PCNX1: variants seen among roughly 807,000 people sequenced by gnomAD.
The protein encoded by PCNX1 is pecanex-like protein 1.
A neutral mutation model predicts 242.2 loss-of-function variants in PCNX1; 78 were observed. That is an observed-to-expected ratio of 0.32 (90% confidence interval 0.27 to 0.39). The LOEUF is 0.39. PCNX1 is among the 10% of genes least tolerant of loss of function. PCNX1 has a pLI of 1.00. For synonymous variants in PCNX1, 1,024 were observed against 1,032.9 expected (o/e 0.99, Z 0.17); for missense variants, 2,581 against 2,856.5 (o/e 0.90, Z 2.20).
Position 70,942,139 on chromosome 14 carries a change from G to A in PCNX1, c.154-4776G>A, listed in dbSNP as rs541555054. Among the ~76,000 whole-genome samples, 8 of 152,174 alleles carry A rather than the reference G, an allele frequency of 5.3e-5. No individual in the cohort carries two copies. In the East Asian group the frequency reaches 7.7e-4, roughly 15 times the overall value. On this transcript the variant is annotated intron_variant, in intron 1 of 35. Transcript: ENST00000304743. The stretch of plus-strand genomic sequence containing the variant: ...ACTCTGTGGGCTGTACCCACCGTCC[G>A]ACAGGCCCCAGTGAGGTGAACCCTG...
At chr14:71,032,615 G>A (rs180746749) in intron 16 of PCNX1, among the ~76,000 whole-genome samples, 1 of 152,200 alleles carries the variant, frequency 6.6e-6, no homozygotes, top group Admixed American at 6.5e-5. Flanking sequence ...TGGAAAAAAG[G>A]CAAGTTGTAT....
intron 28 of PCNX1, among the ~76,000 whole-genome samples, chr14:71,078,384 T>G (rs2141494774): frequency 6.6e-6 from 1 of 152,320 alleles, no homozygotes; most frequent in Middle Eastern, 3.4e-3. Context: ...CTCAGACCCT[T>G]CTTCCATAGT....
In PCNX1 at chr14:71,068,382, G is replaced by A. The variant is rs117531197; in HGVS notation, c.4853-5163G>A. On this transcript the variant is annotated intron_variant, in intron 26 of 35. Transcript: ENST00000304743. ...TGTATACATACATGTATACATATATGTGTGTATATTTATGTATACGTATAT... is the reference window on the plus strand; with the variant it reads ...TGTATACATACATGTATACATATATATGTGTATATTTATGTATACGTATAT... Among the ~76,000 whole-genome samples the A allele has an allele frequency of 1.4e-3, 207 of 150,050 alleles. 1 individual carries two copies. The highest frequency in any genetic ancestry group is 6.7e-3 in the South Asian group (32 of 4,766).
In PCNX1 at chr14:70,978,397, G is replaced by C. The variant is rs144058686; in HGVS notation, c.2060G>C (p.Arg687Pro). 1 of 1,614,170 alleles carries C rather than the reference G, an allele frequency of 6.2e-7. No homozygotes were observed. The highest frequency in any genetic ancestry group is 1.1e-5 in the South Asian group (1 of 91,082). ...TCTAGCACAAATAGTGCCAAGACTCGTGCCCGAGTGTTGAGCCTGGACAGT... is the reference window on the plus strand; with the variant it reads ...TCTAGCACAAATAGTGCCAAGACTCCTGCCCGAGTGTTGAGCCTGGACAGT... ...RTSSTNSAKT[R>P]ARVLSLDSGT... is the part of the protein sequence containing the mutation. Residue 687 changes from arginine (R) to proline (P), a missense_variant, in exon 6 of 36, where the codon CGT (arginine) becomes CCT (proline). Arg to Pro is a moderately radical substitution (Grantham distance 103, BLOSUM62 -2). Transcript: ENST00000304743.
intron 32 of PCNX1, among the ~76,000 whole-genome samples, chr14:71,104,135 T>C (rs1262123997): frequency 6.6e-6 from 1 of 152,206 alleles, no homozygotes; most frequent in Non-Finnish European, 1.5e-5. Context: ...AACAATACAT[T>C]CTCACTCAGA....
chr14:70,997,859 G>A (rs923423386), intron 8 of PCNX1, among the ~76,000 whole-genome samples: 1 of 152,150 alleles, frequency 6.6e-6, no homozygotes, highest in Non-Finnish European at 1.5e-5. Flanking sequence ...TTAATTAGCA[G>A]TGAATTATGT....
intron 34 of PCNX1, 86 bp downstream of exon 34, chr14:71,109,132 A>T (rs2141906057): frequency 1.8e-6 from 2 of 1,091,846 alleles, no homozygotes; most frequent in African/African-American, 1.6e-5. Context: ...ACTGTTGTGA[A>T]TACACACCTT....
chr14:71,034,513 A>G (rs987131024), intron 18 of PCNX1, among the ~76,000 whole-genome samples: 2 of 152,226 alleles, frequency 1.3e-5, no homozygotes, highest in African/African-American at 4.8e-5. Flanking sequence ...AATAACCTGT[A>G]TTAATGTACT....
intron 6 of PCNX1, among the ~76,000 whole-genome samples, chr14:70,979,148 C>G (rs549929862): frequency 2.0e-5 from 3 of 152,040 alleles, no homozygotes; most frequent in East Asian, 3.9e-4. Flanking sequence ...TTTTTTAAGT[C>G]TGTATCTTTG....
intron 16 of PCNX1, among the ~76,000 whole-genome samples, chr14:71,030,852 G>A (rs995153915): frequency 6.6e-6 from 1 of 152,048 alleles, no homozygotes; most frequent in Non-Finnish European, 1.5e-5. Flanking sequence ...CATCATAAAT[G>A]AGGTCCTGAG....
At chr14:71,001,534 T>G (rs2059506186) in intron 8 of PCNX1, among the ~76,000 whole-genome samples, 3 of 152,214 alleles carry the variant, frequency 2.0e-5, no homozygotes, top group Non-Finnish European at 4.4e-5. Context: ...CAAATAGTTT[T>G]GGGTGCCTGA....
chr14:71,068,504 A>G (rs907647927), intron 26 of PCNX1, among the ~76,000 whole-genome samples: 4 of 149,278 alleles, frequency 2.7e-5, no homozygotes, highest in African/African-American at 7.3e-5. Context: ...ATATATATGT[A>G]TATATATGTA....
At chr14:70,969,174 A>G (rs141930767) in intron 5 of PCNX1, 64 bp downstream of exon 5, 204 of 903,912 alleles carry the variant, frequency 2.3e-4, no homozygotes, top group South Asian at 5.1e-4. Context: ...TTTGTAGAAT[A>G]TGCTGCATAC....
intron 1 of PCNX1, among the ~76,000 whole-genome samples, chr14:70,923,574 G>C (rs1360569747): frequency 6.6e-6 from 1 of 152,128 alleles, no homozygotes; most frequent in Non-Finnish European, 1.5e-5. Context: ...ACTATGAACA[G>C]TTTCTTGTGC....
At chr14:70,945,786 G>A (rs1440705836) in intron 1 of PCNX1, among the ~76,000 whole-genome samples, 3 of 151,962 alleles carry the variant, frequency 2.0e-5, no homozygotes, top group African/African-American at 4.8e-5. Flanking sequence ...TCCTGCCTCG[G>A]CCTCCCAAGT....
At chr14:71,060,240 C>T (rs1239137460) in intron 26 of PCNX1, among the ~76,000 whole-genome samples, 2 of 152,012 alleles carry the variant, frequency 1.3e-5, no homozygotes, top group African/African-American at 4.8e-5. Flanking sequence ...CTGGTATAAA[C>T]AAAACTATGC....
chr14:71,061,181 T>C (rs2061317220), intron 26 of PCNX1, among the ~76,000 whole-genome samples: 1 of 152,166 alleles, frequency 6.6e-6, no homozygotes, highest in Admixed American at 6.6e-5. Context: ...CAGTCTTGCA[T>C]GGGAGAAACG....
intron 30 of PCNX1, 44 bp from the exon 31 acceptor site, chr14:71,101,946 C>A: frequency 8.7e-7 from 1 of 1,143,276 alleles, no homozygotes; most frequent in Non-Finnish European, 1.2e-6. Context: ...GTTATCAGTT[C>A]TTTTATTTTC....
At chr14:70,961,454 G>T (rs1434445911) in intron 2 of PCNX1, among the ~76,000 whole-genome samples, 2 of 152,188 alleles carry the variant, frequency 1.3e-5, no homozygotes, top group Non-Finnish European at 2.9e-5. Flanking sequence ...GGGAAAACTG[G>T]CTAGCCATAT....
Sources: gnomAD v4.1 joint callset for allele counts (sites outside exome capture counted in the v4.1 genomes callset) on GRCh38, gnomAD v4.1.1 for gene constraint, MANE v1.5 for transcripts, NCBI Gene and HGNC (gene_info 2026-07-23, HGNC 2026-07-21) for gene names.